Variants in DPYD observed in about 807,000 individuals in gnomAD.
DPYD encodes dihydropyrimidine dehydrogenase [NADP(+)].
Under a neutral mutation model 116.2 loss-of-function variants are expected in DPYD, and 109 were observed. That is an observed-to-expected ratio of 0.94 (90% confidence interval 0.80 to 1.10). The LOEUF (loss-of-function observed/expected upper bound fraction) is 1.10, where lower values mean the gene tolerates loss of function less well. Among genes scored for constraint, DPYD ranks in the 50% least tolerant of loss-of-function variants. DPYD has a pLI of 0.00. For synonymous variants in DPYD, 440 were observed against 432.0 expected, an observed-to-expected ratio of 1.02 and a Z score of -0.23; for missense variants, 1,302 against 1,254.5, an observed-to-expected ratio of 1.04 and a Z score of -0.57.
chr1:97,370,162 G>C (rs1257768756), intron 16 of DPYD, among the ~76,000 whole-genome samples: 1 of 151,986 alleles, frequency 6.6e-6, no homozygotes, highest in African/African-American at 2.4e-5. Flanking sequence ...TGGGTCAAAT[G>C]GTATTTCTGG....
At chr1:97,912,275 G>C (rs1342340919) in intron 1 of DPYD, among the ~76,000 whole-genome samples, 3 of 151,918 alleles carry the variant, frequency 2.0e-5, no homozygotes, top group African/African-American at 7.2e-5. Flanking sequence ...AATGCTTTAA[G>C]CAAATAAAAA....
At chr1:97,593,586 T>C (rs879153786) in intron 9 of DPYD, among the ~76,000 whole-genome samples, 199 bp from the exon 10 acceptor site, 2 of 152,226 alleles carry the variant, frequency 1.3e-5, no homozygotes, top group South Asian at 2.1e-4. Flanking sequence ...TGTAATTTCA[T>C]AGTCAGTATC....
intron 11 of DPYD, among the ~76,000 whole-genome samples, chr1:97,550,565 GA>G (rs748797844): frequency 3.3e-5 from 5 of 152,152 alleles, no homozygotes; most frequent in Non-Finnish European, 5.9e-5. Flanking sequence ...AGTAAGAGAA[GA>G]AATGAAGAAA....
At chr1:97,832,051 G>C (rs1669566126) in intron 2 of DPYD, among the ~76,000 whole-genome samples, 1 of 142,952 alleles carries the variant, frequency 7.0e-6, no homozygotes, top group Non-Finnish European at 1.5e-5. Context: ...TGTATTGTGT[G>C]TGTGTGTGTG....
At chr1:97,250,541 A>T (rs764177002) in intron 18 of DPYD, among the ~76,000 whole-genome samples, 2 of 152,226 alleles carry the variant, frequency 1.3e-5, no homozygotes, top group Non-Finnish European at 2.9e-5. Context: ...AGTAGAATGT[A>T]AACTACTAGC....
At chr1:97,086,067 T>C (rs1242125475) in intron 21 of DPYD, among the ~76,000 whole-genome samples, 2 of 152,192 alleles carry the variant, frequency 1.3e-5, no homozygotes, top group African/African-American at 4.8e-5. Flanking sequence ...TGTTTTGTTT[T>C]GTTTGAGACA....
chr1:97,543,326 C>T (rs1650590328), intron 12 of DPYD, among the ~76,000 whole-genome samples: 1 of 152,030 alleles, frequency 6.6e-6, no homozygotes, highest in Admixed American at 6.6e-5. Flanking sequence ...AGTGTGGGCC[C>T]AAAGGCTATT....
In DPYD at chr1:97,078,861, T is replaced by G; in HGVS notation, c.*115A>C. On this transcript the variant is annotated 3_prime_UTR_variant, in exon 23 of 23. Coordinates refer to ENST00000370192, the MANE Select transcript of DPYD (RefSeq NM_000110.4). ...TATTTTGAAATTACATATTTTTATT[T>G]AGAAAATGTATATTTGTTTTAATTT... 1 of 1,250,998 alleles carries G rather than the reference T, an allele frequency of 8.0e-7. No individual in the cohort carries two copies. 77.5% of individuals were successfully genotyped at this position (1,250,998 alleles called of 1,614,324 possible). A position where few individuals can be genotyped will look rare whatever the true frequency, so the allele number is the denominator to read the frequency against.
intron 16 of DPYD, among the ~76,000 whole-genome samples, chr1:97,331,041 G>A (rs1042213021): frequency 6.6e-6 from 1 of 152,146 alleles, no homozygotes; most frequent in African/African-American, 2.4e-5. Flanking sequence ...TATGATCATT[G>A]CCTGTCTACA....
At chr1:97,796,927 A>G (rs779948992) in intron 3 of DPYD, 7 of 152,136 alleles carry the variant, frequency 4.6e-5, no homozygotes, top group Non-Finnish European at 1.0e-4. Flanking sequence ...AATGGGCAGC[A>G]GCAAGCTGAT....
At chr1:97,822,525 G>A (rs1669004615) in intron 3 of DPYD, among the ~76,000 whole-genome samples, 3 of 151,256 alleles carry the variant, frequency 2.0e-5, no homozygotes, top group Non-Finnish European at 4.4e-5. Context: ...TCCATAATTT[G>A]AGTATCACAT....
At chr1:97,130,753 CTTCCTTCCTTCCTTCCTTCCTTCCT>C (rs1402996918) in intron 20 of DPYD, among the ~76,000 whole-genome samples, 1 of 14,102 alleles carries the variant, frequency 7.1e-5, no homozygotes, top group Non-Finnish European at 1.4e-4. Flanking sequence ...TTCTTTCTCC[CTTCCTTCCTTCCTTCCTTCCTTCCT>C]TTCCTTCCCT....
rs202144771 is a variant in DPYD, at chr1:97,079,077, G to A, written c.2977C>T (p.Leu993Phe). ...TDTCTGCTLCLSVCPIVDCIK... is the reference protein window; with the variant it reads ...TDTCTGCTLCFSVCPIVDCIK... Reference sequence around the variant, plus strand: ...CAGTCGACAATAGGGCAAACACTGAGACACAGAGTACAGCCTGTACAAGTG... The same window carrying A: ...CAGTCGACAATAGGGCAAACACTGAAACACAGAGTACAGCCTGTACAAGTG... Residue 993 changes from leucine (L) to phenylalanine (F), a missense_variant, in exon 23 of 23, where the codon CTC becomes TTC. Physicochemically the swap from Leu to Phe is conservative, Grantham distance 22 (BLOSUM62 0). Coordinates refer to ENST00000370192, the MANE Select transcript of DPYD (RefSeq NM_000110.4). 5.0e-6 allele frequency: 8 copies of A among 1,613,798 alleles called. No homozygotes were observed. The Admixed American group carries it at 1.0e-4, about 20-fold the overall frequency.
chr1:97,709,698 T>C (rs1662179100), intron 5 of DPYD, among the ~76,000 whole-genome samples: 1 of 151,790 alleles, frequency 6.6e-6, no homozygotes, highest in African/African-American at 2.4e-5. Flanking sequence ...GAGACAGAAA[T>C]AGTATAATTT....
chr1:97,492,938 ATTTTTC>A (rs1679051059), intron 13 of DPYD, among the ~76,000 whole-genome samples: 1 of 152,134 alleles, frequency 6.6e-6, no homozygotes, highest in Admixed American at 6.6e-5. Context: ...GCAGACTGTC[ATTTTTC>A]GAAATGAAAA....
At position 97,595,062 on chromosome 1, in the gene DPYD, C is replaced by G; in HGVS notation, c.955G>C (p.Ala319Pro). The G allele has an allele frequency of 6.2e-7, 1 of 1,611,136 alleles. No individual in the cohort carries two copies. The highest frequency in any genetic ancestry group is 8.5e-7 in the Non-Finnish European group (1 of 1,177,524). The part of the protein sequence containing the change: ...FLPLVAKGSK[A>P]GMCACHSPLP... ...CATAAAAGACAATATGTTATACCTG[C>G]TTTACTGCCTTTGGCTACAAGTGGC... Residue 319 changes from alanine to proline, a missense_variant, in exon 9 of 23, where the codon GCA becomes CCA. Ala to Pro is a conservative substitution (Grantham distance 27, BLOSUM62 -1). Transcript: ENST00000370192.
intron 20 of DPYD, among the ~76,000 whole-genome samples, chr1:97,126,033 A>C (rs1652807189): frequency 6.6e-6 from 1 of 152,148 alleles, no homozygotes. Context: ...GTAATTTCAA[A>C]AGTAAAACTT....
Position 97,372,050 on chromosome 1 carries a change from A to G in DPYD, c.2058+1511T>C, listed in dbSNP as rs74400631. Among the ~76,000 whole-genome samples, 72 of 152,342 alleles carry G rather than the reference A, an allele frequency of 4.7e-4. 1 individual carries two copies. In the East Asian group the frequency reaches 0.013, roughly 28 times the overall value. ...AGACACTTAATGGCTGAGTAAATTC[A>G]GATGTGCTCATATAGCAAAAGCCTA... is the stretch of plus-strand genomic sequence containing the variant. On this transcript the variant is annotated intron_variant, in intron 16 of 22. Coordinates refer to ENST00000370192, the MANE Select transcript of DPYD (RefSeq NM_000110.4).
chr1:97,302,103 T>C (rs1197595106), intron 18 of DPYD, among the ~76,000 whole-genome samples: 2 of 151,994 alleles, frequency 1.3e-5, no homozygotes, highest in Non-Finnish European at 2.9e-5. Flanking sequence ...TGTGTGATGA[T>C]ACATGAATTA....
Sources: allele counts gnomAD v4.1 joint callset (sites outside exome capture counted in the v4.1 genomes callset), GRCh38; gene constraint gnomAD v4.1.1; transcripts MANE v1.5; gene names NCBI Gene and HGNC (gene_info 2026-07-23, HGNC 2026-07-21).